Variants in GSK3B observed in about 807,000 individuals in gnomAD.
GSK3B encodes glycogen synthase kinase 3 beta, also known as glycogen synthase kinase-3 beta.
GSK3B carries 15 observed loss-of-function variants against 56.4 expected under a neutral mutation model. That is an observed-to-expected ratio of 0.27 (90% CI 0.18 to 0.41). GSK3B has a LOEUF of 0.41. Ranked by LOEUF, GSK3B falls within the 10% of genes least tolerant of loss-of-function variation. GSK3B has a pLI of 1.00. For synonymous variants in GSK3B, 181 were observed against 188.9 expected, an observed-to-expected ratio of 0.96 and a Z score of 0.34; for missense variants, 300 against 513.4, an observed-to-expected ratio of 0.58 and a Z score of 4.02.
intron 1 of GSK3B, among the ~76,000 whole-genome samples, chr3:120,052,586 G>T (rs1233720383): frequency 6.6e-6 from 1 of 152,092 alleles, no homozygotes; most frequent in Non-Finnish European, 1.5e-5. Context: ...CTAAACCACT[G>T]TTAACAATCC....
intron 1 of GSK3B, chr3:120,029,095 T>C (rs1417090484): frequency 5.1e-6 from 4 of 776,810 alleles, no homozygotes; most frequent in Non-Finnish European, 8.8e-6. Flanking sequence ...TATTTGGCAA[T>C]ATGAATCACT....
intron 10 of GSK3B, among the ~76,000 whole-genome samples, chr3:119,837,811 C>A (rs1361291546): frequency 6.7e-6 from 1 of 149,988 alleles, no homozygotes; most frequent in South Asian, 2.1e-4. Flanking sequence ...GATGAATGGT[C>A]TCCTAAATGG....
At chr3:119,981,278 T>A (rs558374388) in intron 2 of GSK3B, among the ~76,000 whole-genome samples, 2 of 152,276 alleles carry the variant, frequency 1.3e-5, no homozygotes, top group Admixed American at 1.3e-4. Flanking sequence ...CCCAGCATGA[T>A]CGACGCAGAA....
intron 7 of GSK3B, among the ~76,000 whole-genome samples, chr3:119,901,189 T>A (rs1369206020): frequency 6.6e-6 from 1 of 152,182 alleles, no homozygotes; most frequent in Non-Finnish European, 1.5e-5. Context: ...TATCTGGAAC[T>A]ATATCATATA....
chr3:119,934,196 G>C (rs2056972370), intron 3 of GSK3B, among the ~76,000 whole-genome samples: 1 of 151,986 alleles, frequency 6.6e-6, no homozygotes. Flanking sequence ...GGAAAGAGTG[G>C]GGAAAAGAGT....
At chr3:119,827,564 G>A (rs1362067333) in intron 10 of GSK3B, among the ~76,000 whole-genome samples, 1 of 115,182 alleles carries the variant, frequency 8.7e-6, no homozygotes, top group Admixed American at 1.2e-4. Context: ...CCACCTGGGA[G>A]ACACAGTAAG....
chr3:120,074,511 C>T (rs1449277401), intron 1 of GSK3B, among the ~76,000 whole-genome samples: 1 of 151,880 alleles, frequency 6.6e-6, no homozygotes, highest in African/African-American at 2.4e-5. Context: ...ACCACCACAC[C>T]CGGCTAATTT....
chr3:120,065,871 T>A (rs1013087944), intron 1 of GSK3B, among the ~76,000 whole-genome samples: 2 of 152,278 alleles, frequency 1.3e-5, no homozygotes, highest in South Asian at 4.1e-4. Flanking sequence ...ACATAAAGTA[T>A]GATTCCATTT....
At chr3:119,908,989 A>T (rs570449370) in intron 6 of GSK3B, among the ~76,000 whole-genome samples, 2 of 152,194 alleles carry the variant, frequency 1.3e-5, no homozygotes, top group East Asian at 1.9e-4. Flanking sequence ...AGACAAAAAA[A>T]CTGTCACAAG....
chr3:119,912,942 G>A (rs1559833893), intron 5 of GSK3B, 132 bp from the exon 6 acceptor site: 3 of 454,724 alleles, frequency 6.6e-6, no homozygotes, highest in East Asian at 6.1e-5. Context: ...ATATGAAAAA[G>A]AAAATGTAAA....
Position 120,002,038 on chromosome 3 carries a change from C to G in GSK3B, c.282+8G>C, listed in dbSNP as rs201046743. On this transcript the variant is annotated splice_region_variant and intron_variant, in intron 2 of 10. Coordinates refer to ENST00000264235, the MANE Select transcript of GSK3B (RefSeq NM_001146156.2). Reference sequence around the variant, plus strand: ...GCAACAAAATATATGAAATACTGGACATTTTACCTTAAATCTCTTGTCCTG... The same window carrying G: ...GCAACAAAATATATGAAATACTGGAGATTTTACCTTAAATCTCTTGTCCTG... The G allele has an allele frequency of 5.9e-5, 91 of 1,552,146 alleles. No homozygotes were observed. The highest frequency in any genetic ancestry group is 7.4e-5 in the Non-Finnish European group (85 of 1,143,870).
chr3:120,034,925 C>G (rs543770403), intron 1 of GSK3B, among the ~76,000 whole-genome samples: 1 of 152,130 alleles, frequency 6.6e-6, no homozygotes, highest in Non-Finnish European at 1.5e-5. Context: ...AACCTCACCT[C>G]TACTAAAAAT....
At chr3:120,070,891 G>A (rs2058321601) in intron 1 of GSK3B, among the ~76,000 whole-genome samples, 1 of 152,146 alleles carries the variant, frequency 6.6e-6, no homozygotes, top group Non-Finnish European at 1.5e-5. Flanking sequence ...TCCGAGTTCT[G>A]CCTCATTATT....
chr3:120,092,383 C>G (rs189735158), intron 1 of GSK3B, among the ~76,000 whole-genome samples: 4 of 152,310 alleles, frequency 2.6e-5, no homozygotes, highest in Non-Finnish European at 5.9e-5. Context: ...ACTAAATCCA[C>G]AGTTATCTAA....
At chr3:119,870,922 CAG>C in intron 8 of GSK3B, among the ~76,000 whole-genome samples, 1 of 152,138 alleles carries the variant, frequency 6.6e-6, no homozygotes, top group East Asian at 1.9e-4. Context: ...ATGAGTAATG[CAG>C]AGAGACCAGA....
intron 2 of GSK3B, among the ~76,000 whole-genome samples, chr3:119,994,466 A>G (rs1230956069): frequency 6.6e-6 from 1 of 152,210 alleles, no homozygotes; most frequent in Non-Finnish European, 1.5e-5. Context: ...AAGGTTATTT[A>G]TGTAGTCTAA....
At chr3:120,050,742 G>A (rs2058141890) in intron 1 of GSK3B, among the ~76,000 whole-genome samples, 1 of 152,198 alleles carries the variant, frequency 6.6e-6, no homozygotes. Flanking sequence ...AGTAGCTGTG[G>A]AACATGTAGG....
chr3:120,090,990 CT>C (rs2058507729), intron 1 of GSK3B, among the ~76,000 whole-genome samples: 1 of 152,130 alleles, frequency 6.6e-6, no homozygotes, highest in African/African-American at 2.4e-5. Context: ...ACCTTTCATG[CT>C]TTTCTACCAG....
chr3:120,040,318 C>G (rs921465935), intron 1 of GSK3B, among the ~76,000 whole-genome samples: 1 of 152,180 alleles, frequency 6.6e-6, no homozygotes, highest in Non-Finnish European at 1.5e-5. Flanking sequence ...TTTGGGGATC[C>G]TGTCAGGAGT....
Sources: allele counts gnomAD v4.1 joint callset (sites outside exome capture counted in the v4.1 genomes callset), GRCh38; gene constraint gnomAD v4.1.1; transcripts MANE v1.5; gene names NCBI Gene and HGNC (gene_info 2026-07-23, HGNC 2026-07-21).